Variants in TBC1D32 observed in about 807,000 individuals in gnomAD.
TBC1D32 encodes the protein protein broad-minded.
TBC1D32 carries 151 observed loss-of-function variants against 170.3 expected under a neutral mutation model. The observed-to-expected ratio is 0.89, with a 90% CI of 0.78 to 1.01. The LOEUF (loss-of-function observed/expected upper bound fraction) is 1.01. Ranked by LOEUF, TBC1D32 falls within the 50% of genes least tolerant of loss-of-function variation. TBC1D32 has a pLI of 0.00. For missense variants in TBC1D32, 1,464 were observed against 1,457.1 expected, an observed-to-expected ratio of 1.00 and a Z score of -0.08; for synonymous variants, 498 against 488.0, an observed-to-expected ratio of 1.02 and a Z score of -0.27.
intron 15 of TBC1D32, among the ~76,000 whole-genome samples, chr6:121,262,543 C>G (rs2128408295): frequency 6.6e-6 from 1 of 150,776 alleles, no homozygotes; most frequent in East Asian, 2.0e-4. Context: ...GTGGCATGAT[C>G]TCGACCCACT....
At chr6:121,192,079 T>TAC (rs1790140444) in intron 22 of TBC1D32, among the ~76,000 whole-genome samples, 1 of 141,714 alleles carries the variant, frequency 7.1e-6, no homozygotes, top group African/African-American at 2.7e-5. Flanking sequence ...TATATATATA[T>TAC]ATATCCTATT....
chr6:121,308,692 T>TTTTTTTTTTTTTG (rs1807718365), intron 4 of TBC1D32, among the ~76,000 whole-genome samples: 1 of 47,368 alleles, frequency 2.1e-5, no homozygotes, highest in African/African-American at 3.9e-5. Flanking sequence ...ACTTCTTTTT[T>TTTTTTTTTTTTTG]TTTTTTTTTT....
chr6:121,158,818 T>C (rs1474282022), intron 24 of TBC1D32, among the ~76,000 whole-genome samples: 11 of 152,196 alleles, frequency 7.2e-5, no homozygotes, highest in Admixed American at 2.6e-4. Context: ...GGCCTGCAGA[T>C]AGGCCATGTA....
At position 121,256,213 on chromosome 6, in the gene TBC1D32, T is replaced by G. The variant is rs747893571; in HGVS notation, c.1806A>C (p.Gly602=). 2 of 1,613,902 alleles carry G rather than the reference T, an allele frequency of 1.2e-6. No individual in the cohort carries two copies. Among genetic ancestry groups the G allele is most frequent in the Non-Finnish European group, 1.7e-6 (2 of 1,179,850 alleles). ...LLDEDISIFS[G]SEMLPVVKGA... is the part of the protein sequence containing the mutation. ...CTTTAACCACAGGCAACATTTCTGA[T>G]CCAGAAAATATAGAAATATCTTCAT... The change falls in exon 16 of 32, where the codon GGA becomes GGC. Residue 602 remains glycine (G), a synonymous_variant. Transcript: ENST00000398212.
At chr6:121,180,762 A>G (rs1359865829) in intron 22 of TBC1D32, among the ~76,000 whole-genome samples, 1 of 152,180 alleles carries the variant, frequency 6.6e-6, no homozygotes, top group African/African-American at 2.4e-5. Context: ...GCTTCTGTGC[A>G]GTAAAGAAAA....
chr6:121,309,657 T>A (rs1172579435), intron 4 of TBC1D32, among the ~76,000 whole-genome samples: 1 of 152,236 alleles, frequency 6.6e-6, no homozygotes, highest in Admixed American at 6.5e-5. Context: ...GACTTTCAAA[T>A]GAAATAATTC....
intron 3 of TBC1D32, among the ~76,000 whole-genome samples, chr6:121,313,482 C>T (rs76903305): frequency 0.033 from 4,958 of 151,758 alleles, 192 homozygotes; most frequent in East Asian, 0.12. Context: ...AACAAGCCAG[C>T]AAGCAAAAAT....
At chr6:121,122,697 T>C (rs1780394450) in intron 26 of TBC1D32, among the ~76,000 whole-genome samples, 2 of 152,122 alleles carry the variant, frequency 1.3e-5, no homozygotes, top group Admixed American at 1.3e-4. Flanking sequence ...TTTAACTTAC[T>C]GAATATTCTA....
At chr6:121,287,298 A>G (rs1362677820) in intron 12 of TBC1D32, among the ~76,000 whole-genome samples, 3 of 152,182 alleles carry the variant, frequency 2.0e-5, no homozygotes, top group Non-Finnish European at 4.4e-5. Flanking sequence ...AAATAAAAGG[A>G]TGAAGGAAGA....
At position 121,256,080 on chromosome 6, in the gene TBC1D32, T is replaced by C. The variant is rs753955654; in HGVS notation, c.1935+4A>G. The C allele has an allele frequency of 6.2e-7, 1 of 1,604,036 alleles. No individual in the cohort carries two copies. Among genetic ancestry groups the C allele is most frequent in the East Asian group, 2.2e-5 (1 of 44,792 alleles). ...GAGAAAAAACGAAGCTTGAAAATAC[T>C]TACCTTTTTCCATGCCTTTGCTATA... On this transcript the variant is annotated splice_donor_region_variant and intron_variant, in intron 16 of 31. Transcript: ENST00000398212.
At chr6:121,124,316 G>GT (rs994665071) in intron 26 of TBC1D32, among the ~76,000 whole-genome samples, 135 of 151,640 alleles carry the variant, frequency 8.9e-4, no homozygotes, top group South Asian at 6.2e-4. Flanking sequence ...TGGTTTACAT[G>GT]TTTTTATTTT....
chr6:121,105,071 T>A (rs529031587), intron 30 of TBC1D32, among the ~76,000 whole-genome samples: 1 of 151,854 alleles, frequency 6.6e-6, no homozygotes, highest in Non-Finnish European at 1.5e-5. Flanking sequence ...ATTTGGACAG[T>A]TGTTGCTACT....
chr6:121,261,204 C>T (rs1799720781), intron 15 of TBC1D32, among the ~76,000 whole-genome samples: 2 of 152,212 alleles, frequency 1.3e-5, no homozygotes, highest in Non-Finnish European at 2.9e-5. Context: ...AGTCTTTCCT[C>T]CTGCTAGCTC....
intron 15 of TBC1D32, among the ~76,000 whole-genome samples, chr6:121,276,900 A>G (rs1421077719): frequency 6.6e-6 from 1 of 152,164 alleles, no homozygotes; most frequent in Non-Finnish European, 1.5e-5. Flanking sequence ...AAGCATCAAA[A>G]TACTTAAATG....
At position 121,303,688 on chromosome 6, in the gene TBC1D32, G is replaced by A. The variant is rs1159204092; in HGVS notation, c.1009C>T (p.Gln337Ter). ...AAGTAGATCGGATCCAAAATCTTTT[G>A]TGAGACAACATGGCTTTGATTATGT... Reference protein sequence around the residue: ...VKHNQSHVVSQKILDPIYFFA... With the variant: ...VKHNQSHVVS The change falls in exon 9 of 32, where the codon CAA becomes TAA. Residue 337 changes from glutamine (Q) to a stop codon, truncating the protein, a stop_gained. Coordinates refer to ENST00000398212, the MANE Select transcript of TBC1D32 (RefSeq NM_152730.6). LOFTEE classifies it high-confidence loss of function. 5.0e-6 allele frequency: 8 copies of A among 1,596,354 alleles called. No homozygotes were observed. The highest frequency in any genetic ancestry group is 6.8e-6 in the Non-Finnish European group (8 of 1,168,240).
intron 15 of TBC1D32, among the ~76,000 whole-genome samples, chr6:121,270,862 A>C (rs1405185720): frequency 6.6e-6 from 1 of 152,188 alleles, no homozygotes; most frequent in Non-Finnish European, 1.5e-5. Flanking sequence ...AAAATCCTCA[A>C]TAAAATACTG....
At chr6:121,286,452 G>T (rs1233364726) in intron 12 of TBC1D32, among the ~76,000 whole-genome samples, 1 of 152,024 alleles carries the variant, frequency 6.6e-6, no homozygotes, top group Admixed American at 6.6e-5. Context: ...AGAATAAAAA[G>T]AAATGAACAA....
chr6:121,266,957 T>C (rs1402064198), intron 15 of TBC1D32, among the ~76,000 whole-genome samples: 1 of 151,094 alleles, frequency 6.6e-6, no homozygotes. Flanking sequence ...AAATAGATAA[T>C]GCATGCAGGG....
At chr6:121,117,760 A>G (rs1258637008) in intron 26 of TBC1D32, among the ~76,000 whole-genome samples, 1 of 152,166 alleles carries the variant, frequency 6.6e-6, no homozygotes, top group Non-Finnish European at 1.5e-5. Context: ...TATTTGATAT[A>G]CAGTATCAAT....
Sources: allele counts gnomAD v4.1 joint callset (sites outside exome capture counted in the v4.1 genomes callset), GRCh38; gene constraint gnomAD v4.1.1; transcripts MANE v1.5; gene names NCBI Gene and HGNC (gene_info 2026-07-23, HGNC 2026-07-21).